Variants in FAAP100 observed in about 807,000 individuals in gnomAD.
FAAP100 encodes Fanconi anemia core complex-associated protein 100.
In FAAP100, 46 loss-of-function variants were observed where a neutral mutation model predicts 65.8. That is an observed-to-expected ratio of 0.70 (90% CI 0.55 to 0.89). The LOEUF is 0.89. Ranked by LOEUF, FAAP100 falls within the 40% of genes least tolerant of loss-of-function variation. The pLI is 0.00. For synonymous variants in FAAP100, 663 were observed against 555.1 expected, an observed-to-expected ratio of 1.19 and a Z score of -2.73; for missense variants, 1,165 against 1,196.7, an observed-to-expected ratio of 0.97 and a Z score of 0.39.
chr17:81,548,187 A>AT, intron 4 of FAAP100: 1 of 593,516 alleles, frequency 1.7e-6, no homozygotes. Flanking sequence ...CCCAGTGGTT[A>AT]TGTGAGGGGA....
Position 81,552,317 on chromosome 17 carries a change from G to A in FAAP100, c.14C>T (p.Ala5Val). The change falls in exon 1 of 9, where the codon GCG becomes GTG. Residue 5 changes from alanine (A) to valine (V), a missense_variant. Coordinates refer to ENST00000327787, the MANE Select transcript of FAAP100 (RefSeq NM_025161.6). MAGA[A>V]PRVRYLAGFC... is the part of the protein sequence containing the mutation. Reference sequence around the variant, plus strand: ...GCCCGCCAGGTAGCGGACCCGCGGCGCGGCGCCGGCCATCGTGCGCGCGGG... The same window carrying A: ...GCCCGCCAGGTAGCGGACCCGCGGCACGGCGCCGGCCATCGTGCGCGCGGG... The A allele has an allele frequency of 8.5e-6, 12 of 1,406,270 alleles. No individual in the cohort carries two copies. The highest frequency in any genetic ancestry group is 1.0e-5 in the Non-Finnish European group (11 of 1,089,708). 87.1% of individuals were successfully genotyped at this position (1,406,270 alleles called of 1,614,324 possible). A position where few individuals can be genotyped will look rare whatever the true frequency, so the allele number is the denominator to read the frequency against.
intron 4 of FAAP100, 133 bp downstream of exon 4, chr17:81,549,073 A>AAAAT: frequency 1.7e-6 from 1 of 584,540 alleles, no homozygotes; most frequent in Non-Finnish European, 2.6e-6. Context: ...AAAAAAAAAA[A>AAAAT]GAGGCCAAGT....
rs2033018271 is a variant in FAAP100, at chr17:81,540,018, A to G, written c.*801T>C. The G allele has an allele frequency of 5.0e-6, 2 of 398,806 alleles. No individual in the cohort carries two copies. Among genetic ancestry groups the G allele is most frequent in the African/African-American group, 4.1e-5 (2 of 48,614 alleles). The allele number at this position is 398,806 out of a possible 1,614,324, so 24.7% of individuals were successfully genotyped here. ...CTCCCCAGATGAAAACACCAGCACC[A>G]GGAGGTGGGCCGTAGCCCAGGCTGA... On this transcript the variant is annotated 3_prime_UTR_variant, in exon 9 of 9. Transcript: ENST00000327787.
intron 5 of FAAP100, 139 bp from the exon 6 acceptor site, chr17:81,546,021 CA>C: frequency 8.4e-7 from 1 of 1,196,162 alleles, no homozygotes; most frequent in Non-Finnish European, 1.1e-6. Flanking sequence ...TCCCCAGCCC[CA>C]CCCTAAGCTG....
At chr17:81,546,876 C>T in intron 5 of FAAP100, 33 bp downstream of exon 5, 1 of 1,355,778 alleles carries the variant, frequency 7.4e-7, no homozygotes, top group Non-Finnish European at 9.5e-7. Context: ...AAAAAATCCC[C>T]AAGGCTGAGC....
At chr17:81,541,093 A>C in intron 8 of FAAP100, 143 bp from the exon 9 acceptor site, 1 of 1,215,438 alleles carries the variant, frequency 8.2e-7, no homozygotes, top group Non-Finnish European at 1.1e-6. Flanking sequence ...GGAACCTTAA[A>C]ACATGGGACA....
At chr17:81,541,028 AC>A in intron 8 of FAAP100, 78 bp from the exon 9 acceptor site, 1 of 1,445,888 alleles carries the variant, frequency 6.9e-7, no homozygotes. Context: ...GGGACCCACC[AC>A]TCGCAGGACC....
At chr17:81,541,524 C>T in intron 7 of FAAP100, 129 bp from the exon 8 acceptor site, 1 of 780,528 alleles carries the variant, frequency 1.3e-6, no homozygotes, top group Non-Finnish European at 2.1e-6. Flanking sequence ...CTCCCCACCC[C>T]AGCGCTTTGC....
In FAAP100 at chr17:81,542,149, AGAGT is replaced by A. The variant is rs1357753396; in HGVS notation, c.2428-758_2428-755del. Among the ~76,000 whole-genome samples, 254 of 118,388 alleles carry A rather than the reference AGAGT, an allele frequency of 2.1e-3. 1 individual carries two copies. Among genetic ancestry groups the A allele is most frequent in the African/African-American group, 8.0e-3 (239 of 29,914 alleles). The allele number at this position is 118,388 out of a possible 152,430, so 77.7% of individuals were successfully genotyped here. A position where few individuals can be genotyped will look rare whatever the true frequency, so the allele number is the denominator to read the frequency against. On this transcript the variant is annotated intron_variant, in intron 7 of 8. Transcript: ENST00000327787. ...GCCACTGCACTCCAGCCTGGGCGAC[AGAGT>A]GAGACTCCGTCTCAAAAAAAAAAAA... is the stretch of plus-strand genomic sequence containing the variant.
chr17:81,545,905 G>C, intron 5 of FAAP100, 23 bp from the exon 6 acceptor site: 1 of 1,595,738 alleles, frequency 6.3e-7, no homozygotes, highest in African/African-American at 1.4e-5. Context: ...CATCAGCCGA[G>C]AGCTCAGCCT....
At chr17:81,543,942 A>G in intron 7 of FAAP100, 62 bp downstream of exon 7, 1 of 1,454,178 alleles carries the variant, frequency 6.9e-7, no homozygotes, top group Non-Finnish European at 9.5e-7. Context: ...ACAGGGTCCC[A>G]TGCAGGGACC....
chr17:81,541,432 C>T (rs761428277), intron 7 of FAAP100, 37 bp from the exon 8 acceptor site: 5 of 1,539,952 alleles, frequency 3.2e-6, no homozygotes, highest in Non-Finnish European at 3.6e-6. Context: ...GAGGGTGTGC[C>T]CCAGCACCTG....
rs1241862822 is a variant in FAAP100, at chr17:81,547,518, C to T, written c.1564G>A (p.Val522Met). ...TTWSRLQTQDVLMATCVLENS... is the reference protein window; with the variant it reads ...TTWSRLQTQDMLMATCVLENS... ...TCTAGCACGCAGGTGGCCATGAGCA[C>T]ATCCTGTGTCTGCAGGCGGCTCCAG... Residue 522 changes from valine to methionine, a missense_variant, in exon 5 of 9, where the codon GTG becomes ATG. Transcript: ENST00000327787. The T allele has an allele frequency of 1.2e-6, 2 of 1,613,562 alleles. No individual in the cohort carries two copies. Among genetic ancestry groups the T allele is most frequent in the Middle Eastern group, 1.6e-4 (1 of 6,062 alleles).
intron 6 of FAAP100, among the ~76,000 whole-genome samples, chr17:81,544,479 C>T (rs2033225496): frequency 1.3e-5 from 2 of 152,162 alleles, no homozygotes; most frequent in Non-Finnish European, 2.9e-5. Flanking sequence ...CATGTAGATC[C>T]TGCCACGCCC....
Position 81,552,266 on chromosome 17 carries a change from G to A in FAAP100, c.65C>T (p.Ala22Val). ...GCACAGCACGCGGGGCTTGCCCGCC[G>A]CCAGGCCCCCGAGAGGGCAGCAGAA... Reference protein sequence around the residue: ...AGFCCPLGGLAAGKPRVLCHE... With the variant: ...AGFCCPLGGLVAGKPRVLCHE... The change falls in exon 1 of 9, where the codon GCG (alanine) becomes GTG (valine). Residue 22 changes from alanine to valine, a missense_variant. By Grantham distance (64) the Ala-to-Val change is moderately conservative (BLOSUM62 0). Transcript: ENST00000327787. 6.8e-7 allele frequency: 1 copy of A among 1,478,286 alleles called. No homozygotes were observed. Among genetic ancestry groups the A allele is most frequent in the Non-Finnish European group, 8.9e-7 (1 of 1,121,740 alleles). The allele number at this position is 1,478,286 out of a possible 1,614,324, so 91.6% of individuals were successfully genotyped here.
At chr17:81,551,650 A>T in intron 2 of FAAP100, 1 of 1,277,882 alleles carries the variant, frequency 7.8e-7, no homozygotes, top group Non-Finnish European at 1.0e-6. Context: ...GGCGTGTCTC[A>T]CCAGACAGCA....
In FAAP100 at chr17:81,550,856, C is replaced by A; in HGVS notation, c.638G>T (p.Gly213Val). The change falls in exon 3 of 9, where the codon GGG becomes GTG. Residue 213 changes from glycine (G) to valine (V), a missense_variant. Physicochemically the swap from Gly to Val is moderately radical, Grantham distance 109. Coordinates refer to ENST00000327787, the MANE Select transcript of FAAP100 (RefSeq NM_025161.6). ...SGSRVPHDLL[G>V]GSGGFTLEDA... ...CTCCAGCGTGAAGCCCCCGGAGCCC[C>A]CGAGGAGGTCGTGCGGGACCCTGGA... The A allele has an allele frequency of 6.2e-7, 1 of 1,612,114 alleles. No homozygotes were observed. The highest frequency in any genetic ancestry group is 1.3e-5 in the African/African-American group (1 of 75,038).
chr17:81,544,846 G>C (rs1364369218), intron 6 of FAAP100, among the ~76,000 whole-genome samples: 1 of 152,212 alleles, frequency 6.6e-6, no homozygotes, highest in Admixed American at 6.5e-5. Flanking sequence ...GGGCAGCCAA[G>C]GTACCCGAGG....
In FAAP100 at chr17:81,547,273, G is replaced by A. The variant is rs758588945; in HGVS notation, c.1809C>T (p.Phe603=). Residue 603 remains phenylalanine, a synonymous_variant, in exon 5 of 9, where the codon TTC becomes TTT. Transcript: ENST00000327787. The part of the protein sequence containing the change: ...DLPVTVSCTL[F]YSLREVVGGA... The stretch of plus-strand genomic sequence containing the variant: ...CGCCCACCACCTCCCTGAGACTGTA[G>A]AACAGCGTGCAGGACACGGTCACGG... The A allele has an allele frequency of 3.7e-6, 6 of 1,609,222 alleles. No individual in the cohort carries two copies. Among genetic ancestry groups the A allele is most frequent in the South Asian group, 3.3e-5 (3 of 90,764 alleles).
Sources: allele counts gnomAD v4.1 joint callset (sites outside exome capture counted in the v4.1 genomes callset), GRCh38; gene constraint gnomAD v4.1.1; transcripts MANE v1.5; gene names NCBI Gene and HGNC (gene_info 2026-07-23, HGNC 2026-07-21).